Variants in CNKSR2 observed in about 807,000 individuals in gnomAD.
CNKSR2 encodes the protein CNK homolog protein 2.
A neutral mutation model predicts 84.4 loss-of-function variants in CNKSR2; 14 were observed. That is an observed-to-expected ratio of 0.17 (90% CI 0.11 to 0.26). The LOEUF (loss-of-function observed/expected upper bound fraction) is 0.26, where lower values mean the gene tolerates loss of function less well. Ranked by LOEUF, CNKSR2 falls within the 10% of genes least tolerant of loss-of-function variation. CNKSR2 has a pLI of 1.00. For missense variants in CNKSR2, 485 were observed against 771.2 expected (o/e 0.63, Z 4.40); for synonymous variants, 275 against 277.9 (o/e 0.99, Z 0.10).
chrX:21,510,559 G>A (rs1418614213), intron 8 of CNKSR2, among the ~76,000 whole-genome samples: 1 of 111,202 alleles, frequency 9.0e-6, no homozygotes, highest in Non-Finnish European at 1.9e-5. Flanking sequence ...GGGAAAAGAA[G>A]CCTATCATCT....
chrX:21,505,651 C>T (rs758652558), intron 8 of CNKSR2: 4 of 111,369 alleles, frequency 3.6e-5, no homozygotes, highest in African/African-American at 1.3e-4. Context: ...TGTCCTCACT[C>T]TCTTGTTCCT....
chrX:21,501,389 T>A, intron 7 of CNKSR2, 131 bp from the exon 8 acceptor site: 1 of 365,747 alleles, frequency 2.7e-6, no homozygotes. Context: ...TGTTTATTGC[T>A]TTAATTCCTT....
At position 21,652,590 on chromosome X, in the gene CNKSR2, A is replaced by T; in HGVS notation, c.*69A>T. ...AACAAGTATATAAGGTAGTTTTTATATCAATGTGTGGAACACTTGACAAGC... is the reference window on the plus strand; with the variant it reads ...AACAAGTATATAAGGTAGTTTTTATTTCAATGTGTGGAACACTTGACAAGC... On this transcript the variant is annotated 3_prime_UTR_variant, in exon 22 of 22. Coordinates refer to ENST00000379510, the MANE Select transcript of CNKSR2 (RefSeq NM_014927.5). The T allele has an allele frequency of 3.6e-6, 3 of 824,963 alleles. No homozygotes were observed. Among genetic ancestry groups the T allele is most frequent in the Non-Finnish European group, 5.4e-6 (3 of 560,601 alleles). 68.0% of individuals were successfully genotyped at this position (824,963 alleles called of 1,213,427 possible).
At chrX:21,599,397 G>A (rs1041105403) in intron 17 of CNKSR2, among the ~76,000 whole-genome samples, 13 of 89,512 alleles carry the variant, frequency 1.5e-4, no homozygotes, top group African/African-American at 4.2e-4. Flanking sequence ...ATGGAGTCTC[G>A]CTCTGTCACC....
intron 10 of CNKSR2, among the ~76,000 whole-genome samples, chrX:21,529,049 A>T (rs2091861542): frequency 9.0e-6 from 1 of 110,987 alleles, no homozygotes; most frequent in African/African-American, 3.3e-5. Context: ...TTTTCCCCAT[A>T]TTAAAAAACT....
intron 4 of CNKSR2, among the ~76,000 whole-genome samples, chrX:21,457,873 C>T (rs2091013890): frequency 1.8e-5 from 2 of 111,962 alleles, no homozygotes; most frequent in African/African-American, 6.5e-5. Context: ...ACTTGATGTT[C>T]ATAGGCAGTT....
intron 7 of CNKSR2, 68 bp from the exon 8 acceptor site, chrX:21,501,452 T>C (rs2091558969): frequency 1.6e-6 from 1 of 614,793 alleles, no homozygotes; most frequent in African/African-American, 2.3e-5. Flanking sequence ...CTTTTTGTAG[T>C]GTTTCCAGAG....
chrX:21,500,466 G>A (rs1287507110), intron 7 of CNKSR2, among the ~76,000 whole-genome samples: 3 of 111,028 alleles, frequency 2.7e-5, no homozygotes, highest in Non-Finnish European at 3.8e-5. Context: ...TAATAACGAA[G>A]AGTATCACAG....
At chrX:21,545,623 G>A in intron 11 of CNKSR2, among the ~76,000 whole-genome samples, 1 of 112,346 alleles carries the variant, frequency 8.9e-6, no homozygotes, top group East Asian at 2.8e-4. Flanking sequence ...CCTCCTTATT[G>A]GGAGACACCT....
Position 21,609,528 on chromosome X carries a change from A to G in CNKSR2, c.2603A>G (p.Gln868Arg). 2 of 1,211,337 alleles carry G rather than the reference A, an allele frequency of 1.7e-6. No homozygotes were observed. Among genetic ancestry groups the G allele is most frequent in the Non-Finnish European group, 2.2e-6 (2 of 895,480 alleles). Residue 868 changes from glutamine (Q) to arginine (R), a missense_variant, in exon 20 of 22, where the codon CAG (glutamine) becomes CGG (arginine). Gln to Arg is a conservative substitution (Grantham distance 43). Coordinates refer to ENST00000379510, the MANE Select transcript of CNKSR2 (RefSeq NM_014927.5). ...LNAPVSACDPQDDVQPPEVEE... is the reference protein window; with the variant it reads ...LNAPVSACDPRDDVQPPEVEE... ...GCTCCAGTTAGTGCCTGTGACCCAC[A>G]GGATGACGTGCAACCCCCAGAGGTG... is the stretch of plus-strand genomic sequence containing the variant.
chrX:21,465,139 C>A, intron 4 of CNKSR2, among the ~76,000 whole-genome samples: 1 of 112,081 alleles, frequency 8.9e-6, no homozygotes, highest in Non-Finnish European at 1.9e-5. Context: ...CTTAGTTAAT[C>A]CAGGATTATC....
chrX:21,525,838 T>C (rs780763834), intron 9 of CNKSR2, among the ~76,000 whole-genome samples: 1 of 111,430 alleles, frequency 9.0e-6, no homozygotes, highest in South Asian at 3.7e-4. Flanking sequence ...CATCTTGTCA[T>C]GTGAAGATAC....
At chrX:21,381,122 G>C (rs909485401) in intron 1 of CNKSR2, among the ~76,000 whole-genome samples, 1 of 111,961 alleles carries the variant, frequency 8.9e-6, no homozygotes, top group African/African-American at 3.2e-5. Context: ...ATGATCAAAA[G>C]AAGCCAAAGA....
chrX:21,438,727 C>T (rs1477400699), intron 3 of CNKSR2, among the ~76,000 whole-genome samples: 1 of 110,724 alleles, frequency 9.0e-6, no homozygotes, highest in Non-Finnish European at 1.9e-5. Context: ...AGACAGAAGA[C>T]AAGCTGGGAA....
intron 4 of CNKSR2, among the ~76,000 whole-genome samples, chrX:21,458,706 G>T (rs2091023458): frequency 1.8e-5 from 2 of 110,475 alleles, no homozygotes; most frequent in Non-Finnish European, 3.8e-5. Flanking sequence ...TCGTCACCCG[G>T]GTATTAAGCC....
chrX:21,484,919 C>G (rs779211735), intron 5 of CNKSR2, among the ~76,000 whole-genome samples: 6 of 111,697 alleles, frequency 5.4e-5, no homozygotes, highest in Non-Finnish European at 9.4e-5. Flanking sequence ...CGTGGTGGCT[C>G]ACGCCTGTAA....
intron 20 of CNKSR2, among the ~76,000 whole-genome samples, chrX:21,634,651 T>C (rs2092662171): frequency 9.1e-6 from 1 of 110,001 alleles, no homozygotes; most frequent in Non-Finnish European, 1.9e-5. Context: ...GTAATGTCTT[T>C]AGATTTTTAG....
At chrX:21,629,584 C>T (rs1006697403) in intron 20 of CNKSR2, among the ~76,000 whole-genome samples, 17 of 111,586 alleles carry the variant, frequency 1.5e-4, no homozygotes, top group African/African-American at 5.5e-4. Flanking sequence ...AGAGCTTGTG[C>T]AGGGAAACTC....
At chrX:21,506,631 T>G (rs1443377681) in intron 8 of CNKSR2, 1 of 111,733 alleles carries the variant, frequency 8.9e-6, no homozygotes, top group Non-Finnish European at 1.9e-5. Context: ...GGAGATAAAT[T>G]GTATGATATC....
Sources: gnomAD v4.1 joint callset for allele counts (sites outside exome capture counted in the v4.1 genomes callset) on GRCh38, gnomAD v4.1.1 for gene constraint, MANE v1.5 for transcripts, NCBI Gene and HGNC (gene_info 2026-07-23, HGNC 2026-07-21) for gene names.